Variants in NTM observed in about 807,000 individuals in gnomAD.
The protein encoded by NTM is IgLON family member 2.
NTM carries 13 observed loss-of-function variants against 42.1 expected under a neutral mutation model. That is an observed-to-expected ratio of 0.31 (90% confidence interval 0.20 to 0.49). NTM has a LOEUF of 0.49. NTM is among the 20% of genes least tolerant of loss of function. NTM has a pLI of 0.99. For missense variants in NTM, 373 were observed against 452.8 expected (o/e 0.82, Z 1.60); for synonymous variants, 187 against 179.2 (o/e 1.04, Z -0.35).
At chr11:131,849,826 T>TG (rs2045314251) in intron 1 of NTM, among the ~76,000 whole-genome samples, 2 of 70,904 alleles carry the variant, frequency 2.8e-5, no homozygotes, top group African/African-American at 5.6e-5. Flanking sequence ...TGTTGTGGGG[T>TG]GGGGGGCGGG....
At chr11:132,052,048 T>C (rs1370651851) in intron 2 of NTM, among the ~76,000 whole-genome samples, 1 of 152,066 alleles carries the variant, frequency 6.6e-6, no homozygotes, top group Admixed American at 6.5e-5. Flanking sequence ...ACCTCTAAAA[T>C]GTAGGGCAAA....
chr11:131,813,080 A>G (rs1467438613), intron 1 of NTM, among the ~76,000 whole-genome samples: 1 of 152,202 alleles, frequency 6.6e-6, no homozygotes, highest in Admixed American at 6.5e-5. Context: ...CAATTGTGGT[A>G]AGGAAGTTAT....
intron 1 of NTM, among the ~76,000 whole-genome samples, chr11:131,382,545 A>G (rs1942816884): frequency 6.6e-6 from 1 of 152,202 alleles, no homozygotes; most frequent in Admixed American, 6.5e-5. Flanking sequence ...GCAGCTGAAT[A>G]CAATCCTAAT....
intron 2 of NTM, among the ~76,000 whole-genome samples, chr11:132,069,211 A>C (rs1268005217): frequency 6.6e-6 from 1 of 151,904 alleles, no homozygotes; most frequent in Non-Finnish European, 1.5e-5. Context: ...ACTGACCATC[A>C]CAGGTTAGTT....
intron 7 of NTM, among the ~76,000 whole-genome samples, chr11:132,320,613 T>C (rs1241676290): frequency 6.6e-6 from 1 of 152,170 alleles, no homozygotes; most frequent in Non-Finnish European, 1.5e-5. Context: ...GTGCCCGCCA[T>C]TGCCCAGGCT....
intron 1 of NTM, chr11:131,546,549 C>A (rs1297901984): frequency 6.6e-6 from 1 of 152,210 alleles, no homozygotes; most frequent in Non-Finnish European, 1.5e-5. Flanking sequence ...CCTGTGCTTA[C>A]CTTCCTGCAC....
intron 1 of NTM, among the ~76,000 whole-genome samples, chr11:131,779,438 A>G (rs2087655230): frequency 6.6e-6 from 1 of 152,226 alleles, no homozygotes; most frequent in African/African-American, 2.4e-5. Context: ...ATTTCATTGT[A>G]TCTTTATTCC....
intron 1 of NTM, among the ~76,000 whole-genome samples, chr11:131,523,642 T>C (rs1349495169): frequency 6.6e-6 from 1 of 151,810 alleles, no homozygotes; most frequent in East Asian, 1.9e-4. Context: ...ACACAAAAAT[T>C]AGCCAGGTGT....
chr11:131,913,584 T>A (rs188201515), intron 2 of NTM, among the ~76,000 whole-genome samples: 84 of 152,292 alleles, frequency 5.5e-4, no homozygotes, highest in Admixed American at 4.3e-3. Flanking sequence ...TTATCTTTCT[T>A]TGTCTTCCCT....
At chr11:131,606,449 T>C (rs2060966093) in intron 1 of NTM, among the ~76,000 whole-genome samples, 1 of 152,190 alleles carries the variant, frequency 6.6e-6, no homozygotes, top group African/African-American at 2.4e-5. Context: ...AATAAGTGCA[T>C]TATTGATGTC....
At chr11:131,713,657 T>A (rs1484231173) in intron 1 of NTM, among the ~76,000 whole-genome samples, 1 of 152,194 alleles carries the variant, frequency 6.6e-6, no homozygotes, top group East Asian at 1.9e-4. Flanking sequence ...TAAGTCTTAC[T>A]CAGGCCAGCT....
intron 2 of NTM, among the ~76,000 whole-genome samples, chr11:132,009,986 C>CGAAT: frequency 6.6e-6 from 1 of 152,068 alleles, no homozygotes; most frequent in East Asian, 1.9e-4. Flanking sequence ...CTGAGCTGAC[C>CGAAT]GAATACACGT....
chr11:131,998,302 C>T (rs1011857592), intron 2 of NTM, among the ~76,000 whole-genome samples: 3 of 152,134 alleles, frequency 2.0e-5, no homozygotes, highest in Non-Finnish European at 4.4e-5. Context: ...CTGCTCAGCA[C>T]GGAGGTAGTT....
intron 2 of NTM, among the ~76,000 whole-genome samples, chr11:132,043,733 A>T (rs2077511257): frequency 6.6e-6 from 1 of 152,240 alleles, no homozygotes; most frequent in Non-Finnish European, 1.5e-5. Flanking sequence ...CTTCATGGGA[A>T]GTCTGGGGAC....
At chr11:132,052,605 G>T (rs1009823794) in intron 2 of NTM, among the ~76,000 whole-genome samples, 1 of 152,162 alleles carries the variant, frequency 6.6e-6, no homozygotes, top group African/African-American at 2.4e-5. Context: ...TAACAGACAG[G>T]AATTAAGGCA....
At chr11:132,121,230 C>T (rs554879617) in intron 2 of NTM, among the ~76,000 whole-genome samples, 2 of 152,234 alleles carry the variant, frequency 1.3e-5, no homozygotes, top group African/African-American at 4.8e-5. Flanking sequence ...CTTCCCTGGA[C>T]CTCATTTGCT....
At chr11:131,933,642 G>A (rs539916764) in intron 2 of NTM, among the ~76,000 whole-genome samples, 1 of 151,854 alleles carries the variant, frequency 6.6e-6, no homozygotes, top group Non-Finnish European at 1.5e-5. Context: ...TTAAGTTAGT[G>A]CTTTAGTGTC....
intron 1 of NTM, among the ~76,000 whole-genome samples, chr11:131,428,532 C>T (rs1298256098): frequency 6.6e-6 from 1 of 152,114 alleles, no homozygotes; most frequent in African/African-American, 2.4e-5. Context: ...TGGACCTGGC[C>T]ACCTCCTCGT....
intron 1 of NTM, among the ~76,000 whole-genome samples, chr11:131,507,960 A>G (rs1453834763): frequency 6.6e-6 from 1 of 152,200 alleles, no homozygotes; most frequent in African/African-American, 2.4e-5. Context: ...ATTACCATTC[A>G]GGACATAGGC....
Sources: allele counts gnomAD v4.1 joint callset (sites outside exome capture counted in the v4.1 genomes callset), GRCh38; gene constraint gnomAD v4.1.1; transcripts MANE v1.5; gene names NCBI Gene and HGNC (gene_info 2026-07-23, HGNC 2026-07-21).